SLC45A4: variants seen among roughly 807,000 people sequenced by gnomAD.
SLC45A4 encodes the protein polyamine-transporter SLC45A4.
SLC45A4 carries 32 observed loss-of-function variants against 63.7 expected under a neutral mutation model. The ratio of observed to expected loss-of-function variants is 0.50; its 90% CI spans 0.38 to 0.67. SLC45A4 has a LOEUF of 0.67. Ranked by LOEUF, SLC45A4 falls within the 30% of genes least tolerant of loss-of-function variation. The pLI, the probability that SLC45A4 is intolerant of heterozygous loss-of-function variation, is 0.00. For missense variants in SLC45A4, 1,027 were observed against 1,157.7 expected (o/e 0.89, Z 1.64); for synonymous variants, 535 against 510.0 (o/e 1.05, Z -0.66).
intron 1 of SLC45A4, among the ~76,000 whole-genome samples, chr8:141,292,287 G>A (rs1472801310): frequency 2.0e-5 from 3 of 152,232 alleles, no homozygotes; most frequent in Non-Finnish European, 2.9e-5. Flanking sequence ...GTGGGCTCAG[G>A]CCACGTGGCA....
At chr8:141,245,262 TTTGGATTCTCCAAGAGGAGCCAACA>T (rs1290724557) in intron 2 of SLC45A4, among the ~76,000 whole-genome samples, 2 of 152,198 alleles carry the variant, frequency 1.3e-5, no homozygotes, top group Non-Finnish European at 2.9e-5. Context: ...ATGGTCGATT[TTTGGATTCTCCAAGAGGAGCCAACA>T]TTGGGTTGCT....
chr8:141,289,090 C>T (rs920379324), intron 1 of SLC45A4, among the ~76,000 whole-genome samples: 8 of 152,184 alleles, frequency 5.3e-5, no homozygotes, highest in African/African-American at 1.9e-4. Context: ...TGAAACCAGC[C>T]AGGTGCGCGA....
At chr8:141,246,080 C>T (rs1444051541) in intron 2 of SLC45A4, among the ~76,000 whole-genome samples, 4 of 152,192 alleles carry the variant, frequency 2.6e-5, no homozygotes, top group Non-Finnish European at 4.4e-5. Context: ...GAGTTACAAT[C>T]TAAGGTTTCT....
chr8:141,253,878 C>T (rs1828640874), intron 2 of SLC45A4, 111 bp downstream of exon 2: 2 of 1,458,690 alleles, frequency 1.4e-6, no homozygotes, highest in African/African-American at 2.8e-5. Context: ...GACTCCAGTG[C>T]CCGGGGCTCT....
chr8:141,246,691 C>T (rs11787465), intron 2 of SLC45A4, among the ~76,000 whole-genome samples: 61,894 of 73,242 alleles, frequency 0.85, 27,966 homozygotes, highest in East Asian at 1. Context: ...TCTCTTAGAG[C>T]CTCTTTATAC....
intron 1 of SLC45A4, among the ~76,000 whole-genome samples, chr8:141,261,274 T>G (rs1563655214): frequency 6.6e-6 from 1 of 152,192 alleles, no homozygotes; most frequent in Non-Finnish European, 1.5e-5. Flanking sequence ...TCATACTGAA[T>G]GGGCAAAAAC....
rs146748025 is a variant in SLC45A4 at position 141,218,905 on chromosome 8, G to A, written c.735C>T (p.Ser245=). Residue 245 remains serine, a synonymous_variant, in exon 5 of 9, where the codon TCC becomes TCT. Coordinates refer to ENST00000517878, the MANE Select transcript of SLC45A4 (RefSeq NM_001286646.2). The part of the protein sequence containing the change: ...FFFAAIIFTV[S]VALHLFSIDE... ...CGATGCTGAACAGGTGCAGGGCCAC[G>A]GACACCGTGAAGATGATGGCGGCAA... The A allele has an allele frequency of 9.9e-6, 16 of 1,613,636 alleles. No individual in the cohort carries two copies. The highest frequency in any genetic ancestry group is 2.2e-5 in the South Asian group (2 of 91,090).
At chr8:141,263,748 C>A (rs1464899949) in intron 1 of SLC45A4, among the ~76,000 whole-genome samples, 2 of 132,512 alleles carry the variant, frequency 1.5e-5, no homozygotes, top group Non-Finnish European at 1.5e-5. Flanking sequence ...CCAGCCTGGG[C>A]GACAGAGCAA....
intron 1 of SLC45A4, among the ~76,000 whole-genome samples, chr8:141,258,498 G>C (rs571039522): frequency 6.6e-6 from 1 of 152,188 alleles, no homozygotes; most frequent in Admixed American, 6.5e-5. Flanking sequence ...CTCTCACATG[G>C]AGCATGGACT....
rs77768526 is a variant in SLC45A4, at chr8:141,229,598, C to A, written c.242-7833G>T. Among the ~76,000 whole-genome samples, 1 of 152,114 alleles carries A rather than the reference C, an allele frequency of 6.6e-6. No individual in the cohort carries two copies. The highest frequency in any genetic ancestry group is 2.4e-5 in the African/African-American group (1 of 41,412). On this transcript the variant is annotated intron_variant, in intron 2 of 8. Coordinates refer to ENST00000517878, the MANE Select transcript of SLC45A4 (RefSeq NM_001286646.2). The surrounding 1 kb of genome is among the most constrained non-coding windows in gnomAD (Gnocchi z 5.0). Reference sequence around the variant, plus strand: ...CATCCTAGGAGGCTCTCAACAAGCACGTGGCAGGTGACGGCACCCGCAGAC... The same window carrying A: ...CATCCTAGGAGGCTCTCAACAAGCAAGTGGCAGGTGACGGCACCCGCAGAC...
chr8:141,279,670 C>CCT (rs200816880), intron 1 of SLC45A4, among the ~76,000 whole-genome samples: 6,161 of 152,300 alleles, frequency 0.04, 417 homozygotes, highest in African/African-American at 0.14. Context: ...GCCAGGCTGC[C>CCT]CTCCCTGGCA....
At chr8:141,306,417 A>C (rs1362838608) in intron 1 of SLC45A4, among the ~76,000 whole-genome samples, 6 of 148,450 alleles carry the variant, frequency 4.0e-5, no homozygotes, top group Non-Finnish European at 8.9e-5. Flanking sequence ...ACTGCGCCTG[A>C]GTCTCCTCCA....
rs972443939 is a variant in SLC45A4 at position 141,210,821 on chromosome 8, C to T, written c.*751G>A. On this transcript the variant is annotated 3_prime_UTR_variant, in exon 9 of 9. Transcript: ENST00000517878. ...TGTGATGTGCGGGGCCTCCCTGTCT[C>T]CTGATCTCAGTAAGCCTACACCGAC... The T allele has an allele frequency of 6.6e-6, 1 of 152,198 alleles. No homozygotes were observed. Among genetic ancestry groups the T allele is most frequent in the African/African-American group, 2.4e-5 (1 of 41,434 alleles). The allele number at this position is 152,198 out of a possible 1,614,324, so 9.4% of individuals were successfully genotyped here.
intron 1 of SLC45A4, among the ~76,000 whole-genome samples, chr8:141,295,371 T>C (rs1441788691): frequency 6.6e-6 from 1 of 152,196 alleles, no homozygotes; most frequent in Non-Finnish European, 1.5e-5. Context: ...CAGGCGGAAC[T>C]CCCAGGGCCG....
At chr8:141,230,044 A>G (rs1827259885) in intron 2 of SLC45A4, 1 of 456,208 alleles carries the variant, frequency 2.2e-6, no homozygotes, top group South Asian at 1.5e-5. Context: ...GCACCATTAC[A>G]CGATGATAAG....
chr8:141,283,836 A>G (rs1830047509), intron 1 of SLC45A4, among the ~76,000 whole-genome samples: 1 of 152,144 alleles, frequency 6.6e-6, no homozygotes, highest in Non-Finnish European at 1.5e-5. Flanking sequence ...ACATTTGAAA[A>G]CAGAAAACTC....
rs369982651 is a variant in SLC45A4 at position 141,215,269 on chromosome 8, C to T, written c.1941+490G>A. Among the ~76,000 whole-genome samples, 3 of 152,146 alleles carry T rather than the reference C, an allele frequency of 2.0e-5. No individual in the cohort carries two copies. Among genetic ancestry groups the T allele is most frequent in the African/African-American group, 4.8e-5 (2 of 41,430 alleles). ...CGATGAGCAAGAGTGTAAGGTATCT[C>T]GATGACTTTTTTCATATAGAGTACA... On this transcript the variant is annotated intron_variant, in intron 7 of 8. Coordinates refer to ENST00000517878, the MANE Select transcript of SLC45A4 (RefSeq NM_001286646.2). The surrounding 1 kb of genome is among the most constrained non-coding windows in gnomAD (Gnocchi z 4.3).
chr8:141,218,305 G>A lies in SLC45A4; in HGVS notation c.1335C>T (p.Ala445=), dbSNP rs574825748. ...TGCGCGACGGCTTGATCAGCACCAC[G>A]GCGTTGGCGCGCCGGTAGCGGTAGC... ...SHCYRYRRAN[A]VVLIKPSRSM... Residue 445 remains alanine (A), a synonymous_variant, in exon 5 of 9, where the codon GCC becomes GCT. Coordinates refer to ENST00000517878, the MANE Select transcript of SLC45A4 (RefSeq NM_001286646.2). The A allele has an allele frequency of 2.6e-5, 41 of 1,606,384 alleles. No homozygotes were observed. Among genetic ancestry groups the A allele is most frequent in the South Asian group, 2.0e-4 (18 of 91,078 alleles).
chr8:141,258,484 CG>C (rs1468187925), intron 1 of SLC45A4, among the ~76,000 whole-genome samples: 4 of 152,194 alleles, frequency 2.6e-5, no homozygotes, highest in Admixed American at 1.3e-4. Context: ...AGGCAACCAT[CG>C]GCCTCTCACA....
Sources: gnomAD v4.1 joint callset for allele counts (sites outside exome capture counted in the v4.1 genomes callset) on GRCh38, gnomAD v4.1.1 for gene constraint, Gnocchi (gnomAD v3.1) non-coding constraint, MANE v1.5 for transcripts, NCBI Gene and HGNC (gene_info 2026-07-23, HGNC 2026-07-21) for gene names.